CCNE1: variants seen among roughly 807,000 people sequenced by gnomAD.
The protein encoded by CCNE1 is cyclin E1, also known as G1/S-specific cyclin-E1.
Under a neutral mutation model 54.1 loss-of-function variants are expected in CCNE1, and 8 were observed. The observed-to-expected ratio is 0.15, with a 90% CI of 0.09 to 0.27. The LOEUF (loss-of-function observed/expected upper bound fraction) is 0.27, where lower values mean the gene tolerates loss of function less well. CCNE1 is among the 10% of genes least tolerant of loss of function. The pLI is 1.00. For missense variants in CCNE1, 430 were observed against 514.9 expected (o/e 0.84, Z 1.60); for synonymous variants, 179 against 185.2 (o/e 0.97, Z 0.27).
Position 29,822,297 on chromosome 19 carries a change from G to A in CCNE1, c.898G>A (p.Ala300Thr), listed in dbSNP as rs2145729286. 1 of 1,614,086 alleles carries A rather than the reference G, an allele frequency of 6.2e-7. No homozygotes were observed. Among genetic ancestry groups the A allele is most frequent in the Non-Finnish European group, 8.5e-7 (1 of 1,180,018 alleles). The change falls in exon 10 of 12, where the codon GCT (alanine) becomes ACT (threonine). Residue 300 changes from alanine (A) to threonine (T), a missense_variant. Ala to Thr is a moderately conservative substitution (Grantham distance 58). Coordinates refer to ENST00000262643, the MANE Select transcript of CCNE1 (RefSeq NM_001238.4). ...CCTTGAATTTCCTTATGGTATACTT[G>A]CTGCTTCGGCCTTGTATCATTTCTC... ...DCLEFPYGIL[A>T]ASALYHFSSS...
rs778672861 is a variant in CCNE1, at chr19:29,812,737, C to A, written c.72C>A (p.Phe24Leu). ...TGAAGGAGGACGGCGGCGCGGAGTT[C>A]TCGGCTCGCTCCAGGAAGAGGAAGG... The part of the protein sequence containing the change: ...DTMKEDGGAE[F>L]SARSRKRKAN... Residue 24 changes from phenylalanine (F) to leucine (L), a missense_variant, in exon 3 of 12, where the codon TTC (phenylalanine) becomes TTA (leucine). Physicochemically the swap from Phe to Leu is conservative, Grantham distance 22 (BLOSUM62 0). Around this residue, in one of 2 missense-constraint regions of CCNE1, gnomAD observed 127 missense variants for 113.8 expected, o/e 1.12. Coordinates refer to ENST00000262643, the MANE Select transcript of CCNE1 (RefSeq NM_001238.4). 2.5e-6 allele frequency: 4 copies of A among 1,594,902 alleles called. No homozygotes were observed. The highest frequency in any genetic ancestry group is 3.4e-6 in the Non-Finnish European group (4 of 1,172,638).
chr19:29,822,987 G>C (rs41520849), intron 11 of CCNE1, among the ~76,000 whole-genome samples: 2,233 of 151,436 alleles, frequency 0.015, 117 homozygotes, highest in East Asian at 0.14. Flanking sequence ...CTTTTCTTCA[G>C]GCAGGCCCCA....
In CCNE1 at chr19:29,812,675, A is replaced by T; in HGVS notation, c.24-14A>T. 1 of 1,577,716 alleles carries T rather than the reference A, an allele frequency of 6.3e-7. No homozygotes were observed. Among genetic ancestry groups the T allele is most frequent in the East Asian group, 2.3e-5 (1 of 43,706 alleles). On this transcript the variant is annotated splice_polypyrimidine_tract_variant and intron_variant, in intron 2 of 11. Coordinates refer to ENST00000262643, the MANE Select transcript of CCNE1 (RefSeq NM_001238.4). ...GCGGGTGCTCACCCGGCCCGGTGCC[A>T]CCCGGGTCCACAGGGATGCGAAGGA...
rs1973901442 is a variant in CCNE1, at chr19:29,812,139, CG to C, written c.-36del. ...CGGGACTGGAGCGCGCCGTCCGCCGCGGACAAGACCCTGGTGAGTCTACTGC... is the reference window on the plus strand; with the variant it reads ...CGGGACTGGAGCGCGCCGTCCGCCGCGACAAGACCCTGGTGAGTCTACTGC... On this transcript the variant is annotated 5_prime_UTR_variant, in exon 1 of 12. Transcript: ENST00000262643. 1 of 149,100 alleles carries C rather than the reference CG, an allele frequency of 6.7e-6. No individual in the cohort carries two copies. 9.2% of individuals were successfully genotyped at this position (149,100 alleles called of 1,614,324 possible). A position where few individuals can be genotyped will look rare whatever the true frequency, so the allele number is the denominator to read the frequency against.
intron 7 of CCNE1, among the ~76,000 whole-genome samples, chr19:29,821,133 T>G (rs1974136927): frequency 6.6e-6 from 1 of 152,066 alleles, no homozygotes; most frequent in South Asian, 2.1e-4. Flanking sequence ...GGTTGGTGGC[T>G]CAAGCCTATA....
chr19:29,824,272 T>C lies in CCNE1; in HGVS notation c.*495T>C. 8.5e-6 allele frequency: 2 copies of C among 234,798 alleles called. No individual in the cohort carries two copies. Among genetic ancestry groups the C allele is most frequent in the East Asian group, 1.2e-4 (2 of 16,472 alleles). 14.5% of individuals were successfully genotyped at this position (234,798 alleles called of 1,614,324 possible). On this transcript the variant is annotated 3_prime_UTR_variant, in exon 12 of 12. Transcript: ENST00000262643. ...GAACTGTTTTGTAAGTGCTGCTATA[T>C]CTATCCATTTTTTAATAAAGATAAT...
intron 4 of CCNE1, among the ~76,000 whole-genome samples, chr19:29,814,403 G>A (rs1033846021): frequency 1.1e-4 from 16 of 152,178 alleles, no homozygotes; most frequent in Non-Finnish European, 2.4e-4. Flanking sequence ...GAGCAGTGAC[G>A]AGGGTGCCTC....
intron 6 of CCNE1, among the ~76,000 whole-genome samples, chr19:29,818,011 G>A (rs1415610639): frequency 3.4e-5 from 5 of 145,564 alleles, no homozygotes; most frequent in African/African-American, 5.2e-5. Context: ...ACAGGCGCAC[G>A]CCATCACGCC....
chr19:29,815,530 T>C (rs1973992593), intron 4 of CCNE1, among the ~76,000 whole-genome samples: 1 of 152,176 alleles, frequency 6.6e-6, no homozygotes, highest in Non-Finnish European at 1.5e-5. Flanking sequence ...GTGCTGTGTC[T>C]TCGAGGTAGC....
At chr19:29,813,315 C>T (rs1973938948) in intron 4 of CCNE1, 2 of 446,480 alleles carry the variant, frequency 4.5e-6, no homozygotes, top group South Asian at 5.9e-5. Context: ...AGTATTCAGT[C>T]CTCCCCTTCT....
At chr19:29,815,123 A>C (rs1178908759) in intron 4 of CCNE1, among the ~76,000 whole-genome samples, 1 of 152,234 alleles carries the variant, frequency 6.6e-6, no homozygotes, top group African/African-American at 2.4e-5. Flanking sequence ...AACTTTGGAA[A>C]CCATTTGTCT....
At chr19:29,816,713 T>A (rs924283888) in intron 4 of CCNE1, among the ~76,000 whole-genome samples, 1 of 152,340 alleles carries the variant, frequency 6.6e-6, no homozygotes, top group South Asian at 2.1e-4. Flanking sequence ...ATCTTTTTTT[T>A]ATTATACTTT....
rs918480017 is a variant in CCNE1 at position 29,817,503 on chromosome 19, C to T, written c.424C>T (p.Pro142Ser). The T allele has an allele frequency of 2.5e-6, 4 of 1,614,044 alleles. No individual in the cohort carries two copies. The highest frequency in any genetic ancestry group is 3.4e-6 in the Non-Finnish European group (4 of 1,180,028). ...HFLEQHPLLQPKMRAILLDWL... is the reference protein window; with the variant it reads ...HFLEQHPLLQSKMRAILLDWL... ...TCTTGAGCAACACCCTCTTCTGCAG[C>T]CAAAAATGCGAGCAATTCTTCTGGA... Residue 142 changes from proline (P) to serine (S), a missense_variant, in exon 6 of 12, where the codon CCA (proline) becomes TCA (serine). Physicochemically the swap from Pro to Ser is moderately conservative, Grantham distance 74. Around this residue, in one of 2 missense-constraint regions of CCNE1, gnomAD observed 303 missense variants for 401.1 expected, o/e 0.76. Coordinates refer to ENST00000262643, the MANE Select transcript of CCNE1 (RefSeq NM_001238.4).
At chr19:29,823,543 C>A in intron 11 of CCNE1, 112 bp from the exon 12 acceptor site, 1 of 864,590 alleles carries the variant, frequency 1.2e-6, no homozygotes, top group Non-Finnish European at 1.6e-6. Flanking sequence ...AGCAAGTCTC[C>A]ATCTTGAGAA....
chr19:29,819,954 C>T (rs919289274), intron 6 of CCNE1, among the ~76,000 whole-genome samples: 6 of 152,230 alleles, frequency 3.9e-5, no homozygotes, highest in African/African-American at 1.2e-4. Context: ...TCTAGATATG[C>T]CATGTTTTTA....
intron 3 of CCNE1, 85 bp downstream of exon 3, chr19:29,812,861 C>T (rs1327320072): frequency 1.3e-6 from 2 of 1,585,164 alleles, no homozygotes; most frequent in African/African-American, 1.3e-5. Flanking sequence ...GGGCGGGGGT[C>T]CCTTGGGCAG....
chr19:29,813,294 A>C (rs1599595412), intron 4 of CCNE1: 2 of 522,658 alleles, frequency 3.8e-6, no homozygotes, highest in East Asian at 3.2e-5. Context: ...AAGAACCAGA[A>C]TGGACATCAC....
At chr19:29,820,625 G>C (rs2145726466) in intron 6 of CCNE1, 77 bp from the exon 7 acceptor site, 1 of 1,016,636 alleles carries the variant, frequency 9.8e-7, no homozygotes. Flanking sequence ...CTTCACCAAA[G>C]TCATTACAAG....
chr19:29,818,585 T>C (rs1974080642), intron 6 of CCNE1, among the ~76,000 whole-genome samples: 1 of 152,232 alleles, frequency 6.6e-6, no homozygotes, highest in Non-Finnish European at 1.5e-5. Context: ...TTTTAACTTC[T>C]TGGAATCCAT....
Sources: gnomAD v4.1 joint callset for allele counts (sites outside exome capture counted in the v4.1 genomes callset) on GRCh38, gnomAD v4.1.1 for gene constraint, gnomAD v4.1.1 regional missense constraint, MANE v1.5 for transcripts, NCBI Gene and HGNC (gene_info 2026-07-23, HGNC 2026-07-21) for gene names.